GRAMD2B: variants seen among roughly 807,000 people sequenced by gnomAD.
GRAMD2B encodes GRAM domain-containing protein 2B.
GRAMD2B carries 41 observed loss-of-function variants against 59.2 expected under a neutral mutation model. The observed-to-expected ratio is 0.69, with a 90% confidence interval of 0.54 to 0.90. The LOEUF (loss-of-function observed/expected upper bound fraction) is 0.90. GRAMD2B is among the 40% of genes least tolerant of loss of function. GRAMD2B has a pLI of 0.00. For synonymous variants in GRAMD2B, 161 were observed against 182.7 expected, an observed-to-expected ratio of 0.88 and a Z score of 0.96; for missense variants, 424 against 500.5, an observed-to-expected ratio of 0.85 and a Z score of 1.46.
rs192969007 is a variant in GRAMD2B, at chr5:126,432,644, T to C, written c.83+8955T>C. ...ATATTATGCAGGTTACTCTGTGTAA[T>C]ATACAGTGTGGTCCTCAAAGAGCCT... On this transcript the variant is annotated intron_variant, in intron 1 of 13. Coordinates refer to ENST00000285689, the MANE Select transcript of GRAMD2B (RefSeq NM_023927.4). 1.1e-4 allele frequency among the ~76,000 whole-genome samples: 16 copies of C among 152,340 alleles called. No individual in the cohort carries two copies. In the East Asian group the frequency reaches 3.1e-3, roughly 29 times the overall value.
At chr5:126,404,860 A>G (rs565358748) in intron 1 of GRAMD2B, among the ~76,000 whole-genome samples, 1 of 151,922 alleles carries the variant, frequency 6.6e-6, no homozygotes, top group Non-Finnish European at 1.5e-5. Context: ...ATACAACATA[A>G]TAACAAAAAA....
At chr5:126,454,649 A>T (rs1331084991) in intron 1 of GRAMD2B, among the ~76,000 whole-genome samples, 1 of 152,198 alleles carries the variant, frequency 6.6e-6, no homozygotes, top group Non-Finnish European at 1.5e-5. Flanking sequence ...TGGGACAATG[A>T]CTTGTCCACT....
intron 1 of GRAMD2B, among the ~76,000 whole-genome samples, chr5:126,408,501 T>G (rs370169322): frequency 8.7e-4 from 120 of 138,638 alleles, no homozygotes; most frequent in African/African-American, 3.1e-3. Context: ...GGTAGTTCTG[T>G]TTTTTTTTTG....
chr5:126,411,372 T>C (rs1403060760), intron 1 of GRAMD2B, among the ~76,000 whole-genome samples: 2 of 152,098 alleles, frequency 1.3e-5, no homozygotes, highest in African/African-American at 2.4e-5. Flanking sequence ...CCTTTCCCCA[T>C]TGCTTATTTT....
chr5:126,461,232 G>A (rs1767299529), intron 1 of GRAMD2B, among the ~76,000 whole-genome samples: 1 of 152,152 alleles, frequency 6.6e-6, no homozygotes, highest in African/African-American at 2.4e-5. Flanking sequence ...GCGGCAAAGG[G>A]CCAGTGATGT....
intron 1 of GRAMD2B, among the ~76,000 whole-genome samples, chr5:126,454,246 T>G (rs1441933391): frequency 2.6e-5 from 4 of 152,154 alleles, no homozygotes; most frequent in Non-Finnish European, 4.4e-5. Context: ...TAGAAAGGCA[T>G]TGTTAACTCT....
intron 3 of GRAMD2B, among the ~76,000 whole-genome samples, chr5:126,470,259 T>C (rs1299032890): frequency 6.6e-6 from 1 of 152,146 alleles, no homozygotes; most frequent in Non-Finnish European, 1.5e-5. Flanking sequence ...TATACCCAGA[T>C]AGGAAACAAA....
intron 11 of GRAMD2B, among the ~76,000 whole-genome samples, chr5:126,486,469 C>T (rs1772936391): frequency 6.6e-6 from 1 of 152,182 alleles, no homozygotes; most frequent in Non-Finnish European, 1.5e-5. Flanking sequence ...GGCTGTTCCT[C>T]CCAACCAAGG....
intron 5 of GRAMD2B, among the ~76,000 whole-genome samples, chr5:126,473,752 A>G (rs912959103): frequency 5.3e-5 from 8 of 152,198 alleles, no homozygotes; most frequent in Non-Finnish European, 1.2e-4. Flanking sequence ...TTTAAGAAAC[A>G]TCAATTTTTA....
intron 1 of GRAMD2B, among the ~76,000 whole-genome samples, chr5:126,400,343 T>C (rs1251420746): frequency 2.0e-5 from 3 of 152,128 alleles, no homozygotes; most frequent in Non-Finnish European, 4.4e-5. Flanking sequence ...AACTCTACAC[T>C]TTTATTTCTC....
chr5:126,481,202 AAAAAGAAAGAAAGAAAGAAAG>A (rs1414242226), intron 8 of GRAMD2B, among the ~76,000 whole-genome samples: 2,317 of 74,868 alleles, frequency 0.031, 120 homozygotes, highest in African/African-American at 0.098. Context: ...AAAAAAAAAA[AAAAAGAAAGAAAGAAAGAAAG>A]AAAGAAAGAA....
chr5:126,419,821 C>T (rs1167552968), upstream of GRAMD2B, among the ~76,000 whole-genome samples: 1 of 151,990 alleles, frequency 6.6e-6, no homozygotes, highest in Non-Finnish European at 1.5e-5. Flanking sequence ...CTTTGGGAGG[C>T]CAAGGTGGGC....
intron 1 of GRAMD2B, among the ~76,000 whole-genome samples, chr5:126,442,988 C>A (rs1208559367): frequency 1.3e-5 from 2 of 152,130 alleles, no homozygotes; most frequent in East Asian, 3.8e-4. Flanking sequence ...CCTGAAGTAG[C>A]ATTACAGATT....
intron 1 of GRAMD2B, among the ~76,000 whole-genome samples, chr5:126,459,847 C>G (rs975767678): frequency 6.6e-6 from 1 of 152,166 alleles, no homozygotes; most frequent in Admixed American, 6.5e-5. Context: ...GGGTATGCAT[C>G]ACAAAATGTC....
At chr5:126,480,193 T>C in intron 6 of GRAMD2B, 1 of 370,516 alleles carries the variant, frequency 2.7e-6, no homozygotes, top group East Asian at 5.0e-5. Context: ...GACAGGCTTT[T>C]GGAGCCTTCA....
chr5:126,451,615 G>A lies in GRAMD2B; in HGVS notation c.84-13811G>A, dbSNP rs371805364. Among the ~76,000 whole-genome samples, 13 of 152,292 alleles carry A rather than the reference G, an allele frequency of 8.5e-5. No homozygotes were observed. The East Asian group carries it at 2.3e-3, about 27-fold the overall frequency. On this transcript the variant is annotated intron_variant, in intron 1 of 13. Coordinates refer to ENST00000285689, the MANE Select transcript of GRAMD2B (RefSeq NM_023927.4). ...CGAGACTTAGGACTTTAGACTTGAT[G>A]CTGGAACAAGTTAAGACTTTTGGGG...
At chr5:126,419,708 C>A (rs1249336896), upstream of GRAMD2B, among the ~76,000 whole-genome samples, 1 of 152,204 alleles carries the variant, frequency 6.6e-6, no homozygotes, top group Non-Finnish European at 1.5e-5. Context: ...GGTGTTATGT[C>A]TGGCATCTTC....
At chr5:126,451,697 G>A (rs1765402144) in intron 1 of GRAMD2B, among the ~76,000 whole-genome samples, 1 of 152,164 alleles carries the variant, frequency 6.6e-6, no homozygotes, top group Non-Finnish European at 1.5e-5. Context: ...TGGGGGGCCA[G>A]CGGCAGAATG....
At chr5:126,402,275 A>G (rs4836255) in intron 1 of GRAMD2B, among the ~76,000 whole-genome samples, 145,793 of 152,188 alleles carry the variant, frequency 0.96, 69,843 homozygotes, top group East Asian at 1. Flanking sequence ...AAGTGGAAGA[A>G]TTTTCTCTCC....
Sources: gnomAD v4.1 joint callset for allele counts (sites outside exome capture counted in the v4.1 genomes callset) on GRCh38, gnomAD v4.1.1 for gene constraint, MANE v1.5 for transcripts, NCBI Gene and HGNC (gene_info 2026-07-23, HGNC 2026-07-21) for gene names.